The following SNX29 variants were observed in gnomAD, a reference collection of about 807,000 sequenced individuals.
The protein encoded by SNX29 is sorting nexin 29.
SNX29 carries 78 observed loss-of-function variants against 102.1 expected under a neutral mutation model. The ratio of observed to expected loss-of-function variants is 0.76; its 90% CI spans 0.64 to 0.92. The LOEUF (loss-of-function observed/expected upper bound fraction) is 0.92. Among genes scored for constraint, SNX29 ranks in the 40% least tolerant of loss-of-function variants. SNX29 has a pLI of 0.00. For synonymous variants in SNX29, 580 were observed against 414.5 expected (o/e 1.40, Z -4.85); for missense variants, 1,280 against 1,061.7 (o/e 1.21, Z -2.86).
rs546309862 is a variant in SNX29, at chr16:12,572,791, T to C, written c.*4162T>C. The C allele has an allele frequency of 3.0e-4, 324 of 1,063,408 alleles. No homozygotes were observed. Among genetic ancestry groups the C allele is most frequent in the Non-Finnish European group, 3.5e-4 (307 of 878,068 alleles). 65.9% of individuals were successfully genotyped at this position (1,063,408 alleles called of 1,614,324 possible). A position where few individuals can be genotyped will look rare whatever the true frequency, so the allele number is the denominator to read the frequency against. ...AGGAAGACCCCACCTCACTCCTCCT[T>C]CCCCAGTACATCAGACTGGTTAGGA... is the stretch of plus-strand genomic sequence containing the variant. On this transcript the variant is annotated 3_prime_UTR_variant, in exon 21 of 21. Coordinates refer to ENST00000566228, the MANE Select transcript of SNX29 (RefSeq NM_032167.5).
At chr16:12,282,893 G>C (rs188231318) in intron 15 of SNX29, among the ~76,000 whole-genome samples, 2 of 152,324 alleles carry the variant, frequency 1.3e-5, no homozygotes, top group Non-Finnish European at 2.9e-5. Context: ...CTAACCTTAG[G>C]TGATCCGCCT....
At chr16:12,565,366 T>A (rs1293741157) in intron 20 of SNX29, among the ~76,000 whole-genome samples, 3 of 152,194 alleles carry the variant, frequency 2.0e-5, no homozygotes, top group Non-Finnish European at 4.4e-5. Flanking sequence ...CTGAAGCCCC[T>A]GGTCTAGCCA....
At chr16:12,044,560 G>A (rs1303674616) in intron 5 of SNX29, among the ~76,000 whole-genome samples, 1 of 152,128 alleles carries the variant, frequency 6.6e-6, no homozygotes, top group Non-Finnish European at 1.5e-5. Flanking sequence ...CTTTAGTTAA[G>A]GAAAACACAC....
intron 20 of SNX29, among the ~76,000 whole-genome samples, chr16:12,549,246 A>C (rs1349714716): frequency 6.6e-6 from 1 of 152,236 alleles, no homozygotes; most frequent in Non-Finnish European, 1.5e-5. Flanking sequence ...CTGTAATCCC[A>C]GCACTTTGGG....
chr16:12,257,852 G>C (rs905829683), intron 14 of SNX29, among the ~76,000 whole-genome samples: 4 of 152,128 alleles, frequency 2.6e-5, no homozygotes, highest in African/African-American at 9.7e-5. Context: ...CCACCTCTTG[G>C]TTGCTCAAAC....
intron 1 of SNX29, among the ~76,000 whole-genome samples, chr16:11,989,396 A>C (rs1370611642): frequency 6.6e-6 from 1 of 152,106 alleles, no homozygotes; most frequent in Non-Finnish European, 1.5e-5. Flanking sequence ...GTCTCTTTCC[A>C]TTGTGTGCTG....
chr16:12,556,390 A>T (rs2856793), intron 20 of SNX29: 6 of 152,118 alleles, frequency 3.9e-5, no homozygotes, highest in African/African-American at 1.2e-4. Context: ...AGGCACTGGC[A>T]ATATAGTACA....
chr16:12,190,943 T>A (rs564690443), intron 13 of SNX29, among the ~76,000 whole-genome samples: 7 of 152,118 alleles, frequency 4.6e-5, no homozygotes, highest in Non-Finnish European at 1.0e-4. Context: ...GCTGGCTGGG[T>A]TTATTCCTTC....
At chr16:12,537,750 T>C (rs1200204521) in intron 20 of SNX29, among the ~76,000 whole-genome samples, 1 of 152,142 alleles carries the variant, frequency 6.6e-6, no homozygotes, top group Non-Finnish European at 1.5e-5. Flanking sequence ...ATGACCTCTA[T>C]CCTATGTGGG....
intron 18 of SNX29, among the ~76,000 whole-genome samples, chr16:12,440,374 C>T (rs2085745483): frequency 6.6e-6 from 1 of 152,316 alleles, no homozygotes; most frequent in African/African-American, 2.4e-5. Flanking sequence ...TGTTAGCAGG[C>T]AGTCTCCATC....
rs1447690624 is a variant in SNX29, at chr16:12,473,069, T to G, written c.2038-4650T>G. ...TGGCTCAAGCAGAAGGAATTGGAGCTGATCGAACTTAATTTGGAGGGGAGA... is the reference window on the plus strand; with the variant it reads ...TGGCTCAAGCAGAAGGAATTGGAGCGGATCGAACTTAATTTGGAGGGGAGA... On this transcript the variant is annotated intron_variant, in intron 18 of 20. Transcript: ENST00000566228. 2.0e-5 allele frequency among the ~76,000 whole-genome samples: 3 copies of G among 152,134 alleles called. No individual in the cohort carries two copies. The East Asian group carries it at 5.8e-4, about 29-fold the overall frequency.
At chr16:12,226,803 C>T (rs546023386) in intron 14 of SNX29, among the ~76,000 whole-genome samples, 4 of 152,132 alleles carry the variant, frequency 2.6e-5, no homozygotes, top group South Asian at 4.2e-4. Context: ...GTCTCGAACT[C>T]CCGACCTTAG....
intron 3 of SNX29, among the ~76,000 whole-genome samples, chr16:12,022,529 G>A (rs373499417): frequency 1.3e-4 from 20 of 152,248 alleles, no homozygotes; most frequent in South Asian, 1.0e-3. Flanking sequence ...TAAATTTATA[G>A]TGTTGTGTAA....
At chr16:12,176,497 C>CA (rs1194919770) in intron 13 of SNX29, among the ~76,000 whole-genome samples, 2 of 152,088 alleles carry the variant, frequency 1.3e-5, no homozygotes, top group African/African-American at 4.8e-5. Flanking sequence ...GAAGAACATA[C>CA]AAAATATCAA....
intron 16 of SNX29, among the ~76,000 whole-genome samples, chr16:12,390,149 G>GGTGT (rs34547147): frequency 0.039 from 5,635 of 145,596 alleles, 135 homozygotes; most frequent in Admixed American, 0.046. Flanking sequence ...GCAATTGAGG[G>GGTGT]GTGTGTGTGT....
At chr16:12,463,841 T>G (rs2086925618) in intron 18 of SNX29, among the ~76,000 whole-genome samples, 1 of 150,562 alleles carries the variant, frequency 6.6e-6, no homozygotes, top group Non-Finnish European at 1.5e-5. Flanking sequence ...TGTGTGTGTG[T>G]GTGTGTGTGT....
At chr16:12,067,193 G>A (rs1044355303) in intron 9 of SNX29, among the ~76,000 whole-genome samples, 14 of 151,916 alleles carry the variant, frequency 9.2e-5, no homozygotes, top group African/African-American at 2.9e-4. Flanking sequence ...TAAAAAAAGC[G>A]GGAGGGGAAG....
chr16:12,344,216 T>C (rs1406162427), intron 15 of SNX29, among the ~76,000 whole-genome samples: 1 of 152,198 alleles, frequency 6.6e-6, no homozygotes, highest in East Asian at 1.9e-4. Flanking sequence ...GTCTTGGGTA[T>C]GTCTTTGTCA....
intron 3 of SNX29, among the ~76,000 whole-genome samples, chr16:12,006,493 G>A (rs982541442): frequency 6.1e-5 from 9 of 146,972 alleles, no homozygotes; most frequent in African/African-American, 1.8e-4. Context: ...TCCAGCCTGG[G>A]CAACAAGAGC....
Sources: gnomAD v4.1 joint callset for allele counts (sites outside exome capture counted in the v4.1 genomes callset) on GRCh38, gnomAD v4.1.1 for gene constraint, MANE v1.5 for transcripts, NCBI Gene and HGNC (gene_info 2026-07-23, HGNC 2026-07-21) for gene names.